The following ADK variants were observed in gnomAD, a reference collection of about 807,000 sequenced individuals.
ADK encodes the protein N6,N6-dimethyladenosine kinase.
A neutral mutation model predicts 44.7 loss-of-function variants in ADK; 24 were observed. The ratio of observed to expected loss-of-function variants is 0.54; its 90% CI spans 0.39 to 0.76. The LOEUF is 0.76. ADK is among the 30% of genes least tolerant of loss of function. The pLI, the probability that ADK is intolerant of heterozygous loss-of-function variation, is 0.00. For missense variants in ADK, 321 were observed against 425.1 expected, an observed-to-expected ratio of 0.76 and a Z score of 2.15; for synonymous variants, 128 against 142.6, an observed-to-expected ratio of 0.90 and a Z score of 0.73.
chr10:74,389,584 A>T lies in ADK; in HGVS notation c.274-4557A>T, dbSNP rs539495007. 4.4e-4 allele frequency among the ~76,000 whole-genome samples: 67 copies of T among 151,540 alleles called. No homozygotes were observed. The South Asian group carries it at 8.9e-3, about 20-fold the overall frequency. ...GCAGTTAACGTGGCTTTTTTTTTTA[A>T]TGGCTGTAAAAAAACTGAATTTTTA... On this transcript the variant is annotated intron_variant, in intron 4 of 10. Coordinates refer to ENST00000539909, the MANE Select transcript of ADK (RefSeq NM_006721.4).
intron 5 of ADK, 120 bp downstream of exon 5, chr10:74,394,433 C>A (rs1843440976): frequency 2.1e-6 from 2 of 934,300 alleles, no homozygotes; most frequent in Non-Finnish European, 3.3e-6. Context: ...TTGATAAATG[C>A]TTATTCCTTA....
intron 9 of ADK, among the ~76,000 whole-genome samples, chr10:74,639,751 G>A (rs889413132): frequency 6.6e-6 from 1 of 152,106 alleles, no homozygotes; most frequent in Admixed American, 6.6e-5. Context: ...CAGGAGAATC[G>A]CTTGATCCCA....
chr10:74,308,947 T>C (rs1272852789), intron 3 of ADK, among the ~76,000 whole-genome samples: 1 of 151,954 alleles, frequency 6.6e-6, no homozygotes, highest in Non-Finnish European at 1.5e-5. Context: ...GCAATTGCCC[T>C]TAGGTAGAAC....
chr10:74,622,586 G>T (rs114340352), intron 9 of ADK, among the ~76,000 whole-genome samples: 1 of 152,064 alleles, frequency 6.6e-6, no homozygotes, highest in Non-Finnish European at 1.5e-5. Flanking sequence ...GGGCTTATCT[G>T]TGTATTAAGG....
chr10:74,340,865 A>G (rs992950499), intron 4 of ADK, among the ~76,000 whole-genome samples: 8 of 152,208 alleles, frequency 5.3e-5, no homozygotes, highest in Non-Finnish European at 1.2e-4. Flanking sequence ...TGCAAAGTAC[A>G]TTTATATCAG....
At chr10:74,218,723 TAAAG>T (rs1027844544) in intron 2 of ADK, among the ~76,000 whole-genome samples, 12 of 152,272 alleles carry the variant, frequency 7.9e-5, no homozygotes, top group African/African-American at 2.6e-4. Context: ...TCAACATTCT[TAAAG>T]AAAAGAATTT....
At chr10:74,176,960 C>T in intron 1 of ADK, 1 of 1,589,210 alleles carries the variant, frequency 6.3e-7, no homozygotes, top group African/African-American at 1.3e-5. Flanking sequence ...ACTGTCGCTC[C>T]TTCTCGCGGG....
At chr10:74,389,591 TA>T (rs756363461) in intron 4 of ADK, among the ~76,000 whole-genome samples, 1 of 152,052 alleles carries the variant, frequency 6.6e-6, no homozygotes, top group Non-Finnish European at 1.5e-5. Context: ...TTAATGGCTG[TA>T]AAAAAACTGA....
At chr10:74,407,691 T>G (rs1456044718) in intron 6 of ADK, among the ~76,000 whole-genome samples, 3 of 152,212 alleles carry the variant, frequency 2.0e-5, no homozygotes, top group Non-Finnish European at 4.4e-5. Context: ...TTGGCCTCCC[T>G]GAATGGAAAC....
rs543225668 is a variant in ADK at position 74,683,163 on chromosome 10, A to G, written c.964+12894A>G. On this transcript the variant is annotated intron_variant, in intron 10 of 10. Transcript: ENST00000539909. ...ACATCTGGATATTCTAAGCTAGCCA[A>G]ATTGAAGTGGGAATTTCCTGCCAGA... Among the ~76,000 whole-genome samples the G allele has an allele frequency of 1.5e-3, 235 of 152,292 alleles. 1 individual carries two copies. The highest frequency in any genetic ancestry group is 5.4e-3 in the African/African-American group (226 of 41,560).
At chr10:74,497,952 C>T (rs1399712003) in intron 6 of ADK, among the ~76,000 whole-genome samples, 1 of 152,098 alleles carries the variant, frequency 6.6e-6, no homozygotes. Context: ...TGCAATGGCC[C>T]GATCTCGGCT....
Position 74,392,829 on chromosome 10 carries a change from T to G in ADK, c.274-1312T>G, listed in dbSNP as rs368228177. Among the ~76,000 whole-genome samples, 3 of 152,138 alleles carry G rather than the reference T, an allele frequency of 2.0e-5. No individual in the cohort carries two copies. The East Asian group carries it at 5.8e-4, about 29-fold the overall frequency. ...ATTTTTTTTTGAAGTTAACAAAATA[T>G]CCTGGAAATTACTTTGTATAGAAGG... On this transcript the variant is annotated intron_variant, in intron 4 of 10. Coordinates refer to ENST00000539909, the MANE Select transcript of ADK (RefSeq NM_006721.4).
intron 9 of ADK, among the ~76,000 whole-genome samples, chr10:74,634,350 G>C (rs377366643): frequency 1.1e-4 from 16 of 152,158 alleles, no homozygotes; most frequent in Admixed American, 5.9e-4. Context: ...AAGTAGCTGG[G>C]ACTACAGGCT....
chr10:74,274,751 C>CATTATATATATATATATATATATATAT (rs1846602071), intron 3 of ADK, among the ~76,000 whole-genome samples: 2 of 105,622 alleles, frequency 1.9e-5, no homozygotes. Flanking sequence ...TATATATACA[C>CATTATATATATATATATATATATATAT]ACACACATTA....
chr10:74,446,656 AT>A (rs1446175628), intron 6 of ADK, among the ~76,000 whole-genome samples: 1 of 152,182 alleles, frequency 6.6e-6, no homozygotes, highest in Non-Finnish European at 1.5e-5. Flanking sequence ...AATAATTCCC[AT>A]GTACATACAG....
chr10:74,694,625 G>C (rs980399519), intron 10 of ADK, among the ~76,000 whole-genome samples: 1 of 151,658 alleles, frequency 6.6e-6, no homozygotes, highest in African/African-American at 2.4e-5. Context: ...AGGACTAAAG[G>C]TTTACACCAC....
At chr10:74,434,293 G>GA (rs973410538) in intron 6 of ADK, among the ~76,000 whole-genome samples, 2 of 151,854 alleles carry the variant, frequency 1.3e-5, no homozygotes, top group African/African-American at 2.4e-5. Flanking sequence ...ACTGGTGATA[G>GA]AAAAAAAATT....
chr10:74,336,260 C>T (rs1015572333), intron 4 of ADK, among the ~76,000 whole-genome samples: 2 of 152,062 alleles, frequency 1.3e-5, no homozygotes, highest in Non-Finnish European at 2.9e-5. Flanking sequence ...TATGGATATC[C>T]AATTGATCCA....
intron 6 of ADK, among the ~76,000 whole-genome samples, chr10:74,485,532 C>G (rs111695296): frequency 0.036 from 5,450 of 151,566 alleles, 288 homozygotes; most frequent in African/African-American, 0.11. Context: ...AAGGGAAATT[C>G]AAATGTAATC....
Sources: gnomAD v4.1 joint callset for allele counts (sites outside exome capture counted in the v4.1 genomes callset) on GRCh38, gnomAD v4.1.1 for gene constraint, MANE v1.5 for transcripts, NCBI Gene and HGNC (gene_info 2026-07-23, HGNC 2026-07-21) for gene names.